Variants in GPC6 observed in about 807,000 individuals in gnomAD.
GPC6 encodes glypican-6.
In GPC6, 14 loss-of-function variants were observed where a neutral mutation model predicts 55.2. The observed-to-expected ratio is 0.25, with a 90% CI of 0.17 to 0.40. GPC6 has a LOEUF of 0.40. GPC6 is among the 10% of genes least tolerant of loss of function. GPC6 has a pLI of 1.00. For synonymous variants in GPC6, 278 were observed against 259.6 expected (o/e 1.07, Z -0.68); for missense variants, 641 against 708.5 (o/e 0.90, Z 1.08).
chr13:94,031,091 T>C (rs1476138499), intron 4 of GPC6, among the ~76,000 whole-genome samples: 3 of 150,858 alleles, frequency 2.0e-5, no homozygotes, highest in Admixed American at 1.3e-4. Context: ...CGTGTGTGTG[T>C]GCGTGTGTGT....
At chr13:94,121,524 T>C (rs990634237) in intron 4 of GPC6, among the ~76,000 whole-genome samples, 3 of 152,162 alleles carry the variant, frequency 2.0e-5, no homozygotes, top group Admixed American at 2.0e-4. Context: ...TTTCTATAAC[T>C]GGTAAAAATA....
intron 2 of GPC6, among the ~76,000 whole-genome samples, chr13:93,784,221 A>C (rs528781367): frequency 3.3e-5 from 5 of 152,316 alleles, no homozygotes; most frequent in Admixed American, 3.3e-4. Context: ...TGACCAAGAC[A>C]GACAGGTTGT....
chr13:93,465,344 G>A (rs186333735), intron 1 of GPC6, among the ~76,000 whole-genome samples: 5 of 152,102 alleles, frequency 3.3e-5, no homozygotes, highest in East Asian at 1.9e-4. Flanking sequence ...CACTGGAAGC[G>A]TGTTTTATCT....
chr13:93,655,146 G>A (rs960069276), intron 2 of GPC6, among the ~76,000 whole-genome samples: 8 of 151,746 alleles, frequency 5.3e-5, no homozygotes, highest in African/African-American at 1.9e-4. Context: ...ACCGCGCCCG[G>A]CCCATAACCA....
intron 1 of GPC6, among the ~76,000 whole-genome samples, chr13:93,403,402 G>T (rs1179046017): frequency 6.6e-6 from 1 of 152,102 alleles, no homozygotes; most frequent in Non-Finnish European, 1.5e-5. Flanking sequence ...TCCTTTTCTT[G>T]TGCCTTCACT....
At position 94,403,305 on chromosome 13, in the gene GPC6, T is replaced by G. The variant is rs2139234515; in HGVS notation, c.*88T>G. 1 of 966,500 alleles carries G rather than the reference T, an allele frequency of 1.0e-6. No individual in the cohort carries two copies. The allele number at this position is 966,500 out of a possible 1,614,324, so 59.9% of individuals were successfully genotyped here. ...TCTTACACTCTTGGACAATGGACCA[T>G]GCCACAAAAACTTACCGTTTTCTAT... On this transcript the variant is annotated 3_prime_UTR_variant, in exon 9 of 9. Transcript: ENST00000377047.
intron 1 of GPC6, among the ~76,000 whole-genome samples, chr13:93,428,845 G>A (rs1877250525): frequency 1.3e-5 from 2 of 152,054 alleles, no homozygotes; most frequent in African/African-American, 4.8e-5. Flanking sequence ...AAATGTAAAT[G>A]TGAATACAAA....
At chr13:94,144,536 A>AGTGT (rs758759927) in intron 4 of GPC6, among the ~76,000 whole-genome samples, 4,872 of 79,950 alleles carry the variant, frequency 0.061, 95 homozygotes, top group South Asian at 0.15. Context: ...ATTCTTTGGG[A>AGTGT]GTGTGTGTGT....
At chr13:93,678,126 A>G (rs1030542965) in intron 2 of GPC6, among the ~76,000 whole-genome samples, 2 of 152,116 alleles carry the variant, frequency 1.3e-5, no homozygotes, top group African/African-American at 2.4e-5. Flanking sequence ...AAAAATGTGA[A>G]ATTGTATCTA....
chr13:93,545,899 T>A (rs1352725078), intron 2 of GPC6, among the ~76,000 whole-genome samples: 2 of 152,248 alleles, frequency 1.3e-5, no homozygotes, highest in Non-Finnish European at 2.9e-5. Flanking sequence ...CATTTTACAT[T>A]GCAGTTATGC....
intron 6 of GPC6, among the ~76,000 whole-genome samples, chr13:94,347,157 C>G (rs1242936385): frequency 6.6e-6 from 1 of 152,126 alleles, no homozygotes. Context: ...TCGAGAGTTC[C>G]TGAACACTGC....
At chr13:93,600,122 T>C (rs1437464744) in intron 2 of GPC6, among the ~76,000 whole-genome samples, 2 of 152,216 alleles carry the variant, frequency 1.3e-5, no homozygotes. Flanking sequence ...CCACCTTCCA[T>C]CTACTATGTA....
At chr13:93,489,674 A>G (rs1243614702) in intron 1 of GPC6, among the ~76,000 whole-genome samples, 1 of 151,588 alleles carries the variant, frequency 6.6e-6, no homozygotes, top group Admixed American at 6.5e-5. Flanking sequence ...TTCTCCTTGA[A>G]GAGGTCCTTC....
At chr13:93,269,222 A>G (rs1289579439) in intron 1 of GPC6, among the ~76,000 whole-genome samples, 1 of 152,174 alleles carries the variant, frequency 6.6e-6, no homozygotes, top group Non-Finnish European at 1.5e-5. Flanking sequence ...GTTTGGAGGC[A>G]TGTCACAAGT....
intron 6 of GPC6, among the ~76,000 whole-genome samples, chr13:94,352,228 G>C (rs9589963): frequency 0.049 from 7,427 of 152,078 alleles, 639 homozygotes; most frequent in African/African-American, 0.17. Context: ...GAAGAAGGCA[G>C]TGTGGGAACA....
At chr13:94,379,326 G>A (rs545225217) in intron 6 of GPC6, among the ~76,000 whole-genome samples, 1 of 152,094 alleles carries the variant, frequency 6.6e-6, no homozygotes, top group Non-Finnish European at 1.5e-5. Context: ...CAGTGTTTCC[G>A]TGCAGAATGT....
chr13:94,271,369 C>T (rs1418567881), intron 4 of GPC6, among the ~76,000 whole-genome samples: 3 of 61,146 alleles, frequency 4.9e-5, no homozygotes, highest in East Asian at 6.1e-4. Context: ...CACACACACG[C>T]GCGCGCGCGC....
At chr13:94,327,601 A>C (rs747847124) in intron 6 of GPC6, among the ~76,000 whole-genome samples, 2 of 152,142 alleles carry the variant, frequency 1.3e-5, no homozygotes, top group Non-Finnish European at 2.9e-5. Flanking sequence ...CTGACACTTT[A>C]CTCTGACCCA....
intron 2 of GPC6, among the ~76,000 whole-genome samples, chr13:93,640,659 AT>A (rs908859452): frequency 9.8e-4 from 148 of 151,440 alleles, no homozygotes; most frequent in Middle Eastern, 3.4e-3. Context: ...CCAAGCAAAT[AT>A]TTTTTTTCTT....
Sources: allele counts gnomAD v4.1 joint callset (sites outside exome capture counted in the v4.1 genomes callset), GRCh38; gene constraint gnomAD v4.1.1; transcripts MANE v1.5; gene names NCBI Gene and HGNC (gene_info 2026-07-23, HGNC 2026-07-21).